AFF3: variants seen among roughly 807,000 people sequenced by gnomAD.
AFF3 encodes the protein AF4/FMR2 family member 3.
AFF3 carries 32 observed loss-of-function variants against 129.7 expected under a neutral mutation model. That is an observed-to-expected ratio of 0.25 (90% CI 0.19 to 0.33). The LOEUF (loss-of-function observed/expected upper bound fraction) is 0.33. Among genes scored for constraint, AFF3 ranks in the 10% least tolerant of loss-of-function variants. AFF3 has a pLI of 1.00. For missense variants in AFF3, 1,373 were observed against 1,592.0 expected (o/e 0.86, Z 2.34); for synonymous variants, 644 against 635.4 (o/e 1.01, Z -0.20).
At chr2:99,610,636 C>T (rs1272595390) in intron 13 of AFF3, among the ~76,000 whole-genome samples, 1 of 152,160 alleles carries the variant, frequency 6.6e-6, no homozygotes, top group Non-Finnish European at 1.5e-5. Context: ...AAGAATAAGG[C>T]TGATATGAAT....
intron 2 of AFF3, chr2:100,106,859 G>A (rs1691327092): frequency 1.0e-6 from 1 of 985,352 alleles, no homozygotes; most frequent in African/African-American, 1.7e-5. Context: ...ATAAATAGAT[G>A]ATCCCAGAAA....
At chr2:99,709,599 C>G (rs1334907798) in intron 11 of AFF3, among the ~76,000 whole-genome samples, 1 of 152,144 alleles carries the variant, frequency 6.6e-6, no homozygotes, top group South Asian at 2.1e-4. Flanking sequence ...TGTATTTACT[C>G]ATTAAAAAGA....
At chr2:99,705,379 G>T (rs1244541005) in intron 11 of AFF3, among the ~76,000 whole-genome samples, 4 of 152,094 alleles carry the variant, frequency 2.6e-5, no homozygotes, top group Non-Finnish European at 5.9e-5. Flanking sequence ...ACAAGAGAGG[G>T]GCTGGGAGAG....
At chr2:100,057,797 C>A (rs1167327119) in intron 4 of AFF3, among the ~76,000 whole-genome samples, 1 of 152,154 alleles carries the variant, frequency 6.6e-6, no homozygotes, top group Non-Finnish European at 1.5e-5. Context: ...AAGAAGCAAC[C>A]AGCATTTATA....
chr2:100,099,014 C>T lies in AFF3; in HGVS notation c.53+5388G>A, dbSNP rs566122486. 5.3e-4 allele frequency among the ~76,000 whole-genome samples: 70 copies of T among 130,894 alleles called. 2 individuals carry two copies. Among genetic ancestry groups the T allele is most frequent in the Non-Finnish European group, 5.4e-4 (33 of 61,508 alleles). 85.9% of individuals were successfully genotyped at this position (130,894 alleles called of 152,430 possible). On this transcript the variant is annotated intron_variant, in intron 4 of 24. Coordinates refer to ENST00000672756, the MANE Select transcript of AFF3 (RefSeq NM_001386135.1). ...CCTCCTCGTACCTGCCGAGGCCCCT[C>T]CAGGCCCATGCTGAGGGCCAATGAG...
chr2:99,915,529 T>C (rs561722486), intron 7 of AFF3, among the ~76,000 whole-genome samples: 7 of 152,240 alleles, frequency 4.6e-5, no homozygotes, highest in Non-Finnish European at 1.0e-4. Flanking sequence ...TCAAATCCCT[T>C]TGGAGCCAGG....
At chr2:100,136,531 G>C (rs1029940776) in intron 1 of AFF3, among the ~76,000 whole-genome samples, 1 of 152,164 alleles carries the variant, frequency 6.6e-6, no homozygotes, top group African/African-American at 2.4e-5. Flanking sequence ...ATTTGAAAAG[G>C]GGCTTTTCCC....
chr2:99,557,242 C>G (rs1675014600), intron 22 of AFF3, among the ~76,000 whole-genome samples: 1 of 150,818 alleles, frequency 6.6e-6, no homozygotes, highest in Non-Finnish European at 1.5e-5. Flanking sequence ...GACATTAATT[C>G]CTTGAGGAGC....
intron 1 of AFF3, among the ~76,000 whole-genome samples, chr2:100,137,690 G>A (rs930484697): frequency 5.3e-5 from 8 of 152,158 alleles, no homozygotes; most frequent in Non-Finnish European, 8.8e-5. Flanking sequence ...CAGACTGGGC[G>A]GGGACCTCTC....
chr2:99,956,093 T>A (rs923996066), intron 7 of AFF3, among the ~76,000 whole-genome samples: 1 of 151,776 alleles, frequency 6.6e-6, no homozygotes, highest in African/African-American at 2.4e-5. Context: ...AAAAATCCAA[T>A]TGTATTTCAT....
chr2:100,138,419 C>T (rs940542718), intron 1 of AFF3, among the ~76,000 whole-genome samples: 44 of 152,194 alleles, frequency 2.9e-4, no homozygotes, highest in Admixed American at 1.4e-3. Context: ...TAACGGTGTT[C>T]TTACCTTTGC....
intron 1 of AFF3, among the ~76,000 whole-genome samples, chr2:100,139,420 C>G (rs1692772717): frequency 6.6e-6 from 1 of 152,060 alleles, no homozygotes; most frequent in South Asian, 2.1e-4. Context: ...GGTAATTTTT[C>G]CATAAAGAAA....
chr2:99,839,811 T>A (rs1342236139), intron 7 of AFF3, among the ~76,000 whole-genome samples: 4 of 151,670 alleles, frequency 2.6e-5, no homozygotes. Flanking sequence ...GGGGTTTCAC[T>A]ATGTTAGCCA....
chr2:99,643,819 A>G (rs941353929), intron 13 of AFF3, among the ~76,000 whole-genome samples: 2 of 152,210 alleles, frequency 1.3e-5, no homozygotes, highest in Non-Finnish European at 2.9e-5. Context: ...ATGGAGGTGA[A>G]ACTCCCTTAG....
intron 12 of AFF3, among the ~76,000 whole-genome samples, chr2:99,658,264 T>C (rs988973649): frequency 2.8e-4 from 42 of 152,148 alleles, no homozygotes; most frequent in African/African-American, 9.6e-4. Context: ...AGCAACATTA[T>C]AGGTGAGAGG....
chr2:99,625,516 T>C (rs1396615840), intron 13 of AFF3, among the ~76,000 whole-genome samples: 2 of 152,190 alleles, frequency 1.3e-5, no homozygotes, highest in Non-Finnish European at 2.9e-5. Context: ...TTAAGGAAGA[T>C]AAATGACACC....
intron 2 of AFF3, among the ~76,000 whole-genome samples, chr2:100,114,501 C>A (rs573687206): frequency 2.4e-4 from 37 of 152,312 alleles, no homozygotes; most frequent in African/African-American, 8.2e-4. Context: ...CCTACCTCAG[C>A]CTCCCGAGTA....
rs141777150 is a variant in AFF3 at position 99,947,625 on chromosome 2, T to C, written c.873+59007A>G. On this transcript the variant is annotated intron_variant, in intron 7 of 24. Transcript: ENST00000672756. ...AAAGATAGATAGATAGATAGATAGA[T>C]AGATAGATAGATAGATAGATAGATA... 2.0e-3 allele frequency among the ~76,000 whole-genome samples: 290 copies of C among 141,700 alleles called. 1 individual carries two copies. Among genetic ancestry groups the C allele is most frequent in the African/African-American group, 8.4e-3 (279 of 33,222 alleles). 93.0% of individuals were successfully genotyped at this position (141,700 alleles called of 152,430 possible).
intron 4 of AFF3, chr2:100,011,603 A>C: frequency 1.3e-6 from 1 of 780,508 alleles, no homozygotes; most frequent in Middle Eastern, 2.3e-4. Context: ...CAAGAAGCTG[A>C]AACACTTTAA....
Sources: gnomAD v4.1 joint callset for allele counts (sites outside exome capture counted in the v4.1 genomes callset) on GRCh38, gnomAD v4.1.1 for gene constraint, MANE v1.5 for transcripts, NCBI Gene and HGNC (gene_info 2026-07-23, HGNC 2026-07-21) for gene names.